Variants in ZMAT4 observed in about 807,000 individuals in gnomAD.
ZMAT4 encodes zinc finger matrin-type protein 4.
A neutral mutation model predicts 28.7 loss-of-function variants in ZMAT4; 17 were observed. The ratio of observed to expected loss-of-function variants is 0.59; its 90% confidence interval spans 0.41 to 0.89. The LOEUF (loss-of-function observed/expected upper bound fraction) is 0.89, where lower values mean the gene tolerates loss of function less well. ZMAT4 is among the 40% of genes least tolerant of loss of function. The pLI is 0.00. For synonymous variants in ZMAT4, 117 were observed against 109.2 expected (o/e 1.07, Z -0.44); for missense variants, 240 against 283.8 (o/e 0.85, Z 1.11).
chr8:40,805,361 C>T (rs1220694816), intron 2 of ZMAT4, among the ~76,000 whole-genome samples: 1 of 148,078 alleles, frequency 6.8e-6, no homozygotes, highest in Non-Finnish European at 1.5e-5. Context: ...CTAGTTCAAC[C>T]ATTGTGGAAG....
At chr8:40,755,124 C>G (rs989070474) in intron 3 of ZMAT4, among the ~76,000 whole-genome samples, 1 of 152,182 alleles carries the variant, frequency 6.6e-6, no homozygotes, top group Non-Finnish European at 1.5e-5. Flanking sequence ...TCAAACTTTT[C>G]TCTGAAAAGA....
At position 40,599,437 on chromosome 8, in the gene ZMAT4, A is replaced by G. The variant is rs141463081; in HGVS notation, c.578-18176T>C. Among the ~76,000 whole-genome samples the G allele has an allele frequency of 2.6e-5, 4 of 152,300 alleles. No individual in the cohort carries two copies. The East Asian group carries it at 7.7e-4, about 29-fold the overall frequency. Reference sequence around the variant, plus strand: ...TGTGTGTAGACATAAACGTTTTTCCATACTGACTTCCAGAAAGTTGAAGAG... The same window carrying G: ...TGTGTGTAGACATAAACGTTTTTCCGTACTGACTTCCAGAAAGTTGAAGAG... On this transcript the variant is annotated intron_variant, in intron 5 of 6. Transcript: ENST00000297737.
chr8:40,661,767 G>C (rs182079088), intron 5 of ZMAT4, among the ~76,000 whole-genome samples: 1 of 152,240 alleles, frequency 6.6e-6, no homozygotes, highest in Admixed American at 6.5e-5. Context: ...CGTCTTCCTA[G>C]AACCTTATGA....
At chr8:40,847,273 G>A (rs1816943027) in intron 1 of ZMAT4, among the ~76,000 whole-genome samples, 1 of 151,036 alleles carries the variant, frequency 6.6e-6, no homozygotes, top group African/African-American at 2.4e-5. Flanking sequence ...GCCTCTGTAA[G>A]TTTCAGCCTC....
At chr8:40,671,682 G>A (rs1165826101) in intron 5 of ZMAT4, among the ~76,000 whole-genome samples, 1 of 152,128 alleles carries the variant, frequency 6.6e-6, no homozygotes, top group Non-Finnish European at 1.5e-5. Flanking sequence ...GTTGACATGG[G>A]AATTTTCCCA....
chr8:40,601,655 AG>A (rs1563360966), intron 5 of ZMAT4, among the ~76,000 whole-genome samples: 1 of 28,852 alleles, frequency 3.5e-5, no homozygotes, highest in Non-Finnish European at 7.9e-5. Flanking sequence ...AAAGAAAGAA[AG>A]AAAGAAAGAA....
intron 2 of ZMAT4, among the ~76,000 whole-genome samples, chr8:40,775,116 C>T (rs761440702): frequency 9.9e-5 from 15 of 152,106 alleles, no homozygotes; most frequent in Non-Finnish European, 1.3e-4. Context: ...GACACATGGC[C>T]GGTGCTCAAT....
chr8:40,757,136 A>C (rs1163416477), intron 3 of ZMAT4, among the ~76,000 whole-genome samples: 1 of 152,178 alleles, frequency 6.6e-6, no homozygotes, highest in Non-Finnish European at 1.5e-5. Context: ...TGAGAAGGAC[A>C]CTTGTTCATA....
rs1268188057 is a variant in ZMAT4, at chr8:40,691,172, AAATGTG to A, written c.349+6067_349+6072del. Among the ~76,000 whole-genome samples, 3 of 152,204 alleles carry A rather than the reference AAATGTG, an allele frequency of 2.0e-5. No homozygotes were observed. The East Asian group carries it at 5.8e-4, about 29-fold the overall frequency. ...CCTTGATGTATGTGTGTTTCTGCTT[AAATGTG>A]TCTGATTTAATATAAATGTTTGATT... On this transcript the variant is annotated intron_variant, in intron 4 of 6. Coordinates refer to ENST00000297737, the MANE Select transcript of ZMAT4 (RefSeq NM_024645.3).
intron 6 of ZMAT4, among the ~76,000 whole-genome samples, chr8:40,537,710 A>G (rs1802891283): frequency 6.6e-6 from 1 of 152,210 alleles, no homozygotes; most frequent in Non-Finnish European, 1.5e-5. Flanking sequence ...AAAATCACAA[A>G]TTAATGAAAT....
intron 1 of ZMAT4, among the ~76,000 whole-genome samples, chr8:40,874,997 C>T (rs146786098): frequency 6.6e-6 from 1 of 152,202 alleles, no homozygotes; most frequent in Non-Finnish European, 1.5e-5. Flanking sequence ...GAAAGCCCCC[C>T]CAAAATGCAC....
At chr8:40,638,831 T>C (rs964810068) in intron 5 of ZMAT4, among the ~76,000 whole-genome samples, 1 of 152,202 alleles carries the variant, frequency 6.6e-6, no homozygotes, top group Non-Finnish European at 1.5e-5. Context: ...TACAAGGTAA[T>C]AAGTATGGGG....
intron 3 of ZMAT4, among the ~76,000 whole-genome samples, chr8:40,704,258 T>C (rs892538757): frequency 6.6e-6 from 1 of 152,214 alleles, no homozygotes; most frequent in African/African-American, 2.4e-5. Flanking sequence ...TCTCCCACTT[T>C]ACTGGGATCA....
intron 1 of ZMAT4, among the ~76,000 whole-genome samples, chr8:40,850,232 T>C (rs1447275896): frequency 6.6e-6 from 1 of 151,934 alleles, no homozygotes; most frequent in African/African-American, 2.4e-5. Flanking sequence ...ACCTAGGCAA[T>C]GAAAATAAAC....
At chr8:40,856,952 G>A (rs140840083) in intron 1 of ZMAT4, among the ~76,000 whole-genome samples, 3 of 152,172 alleles carry the variant, frequency 2.0e-5, no homozygotes, top group African/African-American at 7.2e-5. Flanking sequence ...AACCAGGCAA[G>A]CTCTGCTGTG....
chr8:40,885,176 C>T (rs941196890), intron 1 of ZMAT4, among the ~76,000 whole-genome samples: 5 of 152,166 alleles, frequency 3.3e-5, no homozygotes, highest in Non-Finnish European at 7.3e-5. Flanking sequence ...CAGCAACCCC[C>T]AAAACAAACT....
intron 2 of ZMAT4, among the ~76,000 whole-genome samples, chr8:40,788,364 C>T (rs1814172257): frequency 6.6e-6 from 1 of 152,168 alleles, no homozygotes; most frequent in South Asian, 2.1e-4. Context: ...GCAGGCGGAT[C>T]ACGAGGTCAG....
chr8:40,772,174 T>C (rs1813413945), intron 2 of ZMAT4, among the ~76,000 whole-genome samples: 1 of 152,226 alleles, frequency 6.6e-6, no homozygotes, highest in African/African-American at 2.4e-5. Context: ...ACATCAACTT[T>C]AAGCTTCCCA....
chr8:40,799,250 C>T lies in ZMAT4; in HGVS notation c.102+26325G>A, dbSNP rs1335866107. Among the ~76,000 whole-genome samples, 18 of 149,724 alleles carry T rather than the reference C, an allele frequency of 1.2e-4. 1 individual carries two copies. The East Asian group carries it at 2.8e-3, about 23-fold the overall frequency. On this transcript the variant is annotated intron_variant, in intron 2 of 6. Coordinates refer to ENST00000297737, the MANE Select transcript of ZMAT4 (RefSeq NM_024645.3). ...GGATAGATAGATGGATGGATGGAGACAGATAGAGAGAGAGGGAGACAGATA... is the reference window on the plus strand; with the variant it reads ...GGATAGATAGATGGATGGATGGAGATAGATAGAGAGAGAGGGAGACAGATA...
Sources: allele counts gnomAD v4.1 joint callset (sites outside exome capture counted in the v4.1 genomes callset), GRCh38; gene constraint gnomAD v4.1.1; transcripts MANE v1.5; gene names NCBI Gene and HGNC (gene_info 2026-07-23, HGNC 2026-07-21).